Variants in NANS observed in about 807,000 individuals in gnomAD.
NANS encodes the protein N-acetylneuraminate synthase, also known as N-acetylneuraminate-9-phosphate synthase.
A neutral mutation model predicts 33.3 loss-of-function variants in NANS; 29 were observed. The observed-to-expected ratio is 0.87, with a 90% confidence interval of 0.65 to 1.19. The LOEUF (loss-of-function observed/expected upper bound fraction) is 1.19, where lower values mean the gene tolerates loss of function less well. Ranked by LOEUF, NANS falls within the 50% of genes most tolerant of loss-of-function variation. NANS has a pLI of 0.00. For missense variants in NANS, 394 were observed against 461.1 expected, an observed-to-expected ratio of 0.85 and a Z score of 1.33; for synonymous variants, 163 against 177.2, an observed-to-expected ratio of 0.92 and a Z score of 0.64.
intron 4 of NANS, among the ~76,000 whole-genome samples, chr9:98,080,493 G>A (rs1387887387): frequency 1.3e-5 from 2 of 152,220 alleles, no homozygotes; most frequent in Non-Finnish European, 2.9e-5. Flanking sequence ...TTTTGAATGA[G>A]GTTAGACATT....
At chr9:98,070,802 T>C (rs917306472) in intron 2 of NANS, among the ~76,000 whole-genome samples, 3 of 142,690 alleles carry the variant, frequency 2.1e-5, no homozygotes, top group Admixed American at 6.8e-5. Flanking sequence ...GCAGACTCTT[T>C]AGTAATTTTT....
Position 98,056,822 on chromosome 9 carries a change from T to G in NANS, c.14T>G (p.Leu5Arg). The G allele has an allele frequency of 6.2e-7, 1 of 1,608,638 alleles. No homozygotes were observed. Among genetic ancestry groups the G allele is most frequent in the South Asian group, 1.1e-5 (1 of 90,902 alleles). ...CGAGCCGCTGCAATGCCGCTGGAGC[T>G]GGAGCTGTGTCCCGGGCGCTGGGTG... MPLE[L>R]ELCPGRWVGG... The change falls in exon 1 of 6, where the codon CTG becomes CGG. Residue 5 changes from leucine to arginine, a missense_variant. Coordinates refer to ENST00000210444, the MANE Select transcript of NANS (RefSeq NM_018946.4).
intron 2 of NANS, among the ~76,000 whole-genome samples, chr9:98,066,839 C>T (rs976420477): frequency 6.6e-6 from 1 of 152,056 alleles, no homozygotes; most frequent in South Asian, 2.1e-4. Context: ...TTAGTGGAGA[C>T]AGGGTTTCAC....
chr9:98,070,414 A>G (rs370267603), intron 2 of NANS, among the ~76,000 whole-genome samples: 299 of 150,536 alleles, frequency 2.0e-3, no homozygotes, highest in African/African-American at 7.0e-3. Context: ...CACCGTGCCC[A>G]GCTTTCATTT....
rs1054502962 is a variant in NANS at position 98,056,765 on chromosome 9, C to G, written c.-44C>G. 19 of 1,594,918 alleles carry G rather than the reference C, an allele frequency of 1.2e-5. No individual in the cohort carries two copies. In the African/African-American group the frequency reaches 2.6e-4, roughly 22 times the overall value. On this transcript the variant is annotated 5_prime_UTR_variant, in exon 1 of 6. Coordinates refer to ENST00000210444, the MANE Select transcript of NANS (RefSeq NM_018946.4). ...GAGTAGAGGCGGCGGCGGCGGCGGCCGGACCCAGACTGGTAGTGAGGCTTT... is the reference window on the plus strand; with the variant it reads ...GAGTAGAGGCGGCGGCGGCGGCGGCGGGACCCAGACTGGTAGTGAGGCTTT...
intron 2 of NANS, chr9:98,069,834 G>GT (rs1448339973): frequency 6.6e-6 from 1 of 152,192 alleles, no homozygotes; most frequent in Non-Finnish European, 1.5e-5. Flanking sequence ...GACCGTGGCA[G>GT]TGCTCACATG....
intron 4 of NANS, among the ~76,000 whole-genome samples, chr9:98,080,357 G>A (rs552778925): frequency 1.3e-5 from 2 of 152,280 alleles, no homozygotes; most frequent in Admixed American, 1.3e-4. Flanking sequence ...ATAGATAACG[G>A]ATTAATTATT....
intron 2 of NANS, chr9:98,061,274 C>T (rs923342240): frequency 5.3e-6 from 2 of 376,566 alleles, no homozygotes; most frequent in Admixed American, 3.8e-5. Context: ...GTCAGGAGTT[C>T]GAGACCAGCC....
At chr9:98,061,185 C>T (rs1416076855) in intron 2 of NANS, 188 bp downstream of exon 2, 9 of 609,196 alleles carry the variant, frequency 1.5e-5, no homozygotes. Context: ...TTTAAAAACA[C>T]ATTGTCTCTG....
chr9:98,062,763 C>T (rs1401993427), intron 2 of NANS, among the ~76,000 whole-genome samples: 14 of 145,068 alleles, frequency 9.7e-5, no homozygotes, highest in East Asian at 2.0e-4. Flanking sequence ...CTTTTGGATA[C>T]GGAAGTTATT....
intron 1 of NANS, among the ~76,000 whole-genome samples, chr9:98,060,411 G>A (rs1458366753): frequency 6.6e-6 from 1 of 152,154 alleles, no homozygotes; most frequent in Non-Finnish European, 1.5e-5. Context: ...ACTCATGCCT[G>A]TAATCCCAGC....
chr9:98,064,768 C>T (rs1829086471), intron 2 of NANS, among the ~76,000 whole-genome samples: 1 of 152,166 alleles, frequency 6.6e-6, no homozygotes, highest in Non-Finnish European at 1.5e-5. Flanking sequence ...CCCTCAGCTG[C>T]TGCTGCCTGG....
intron 1 of NANS, among the ~76,000 whole-genome samples, chr9:98,060,557 C>A (rs1412405361): frequency 2.0e-5 from 3 of 152,070 alleles, no homozygotes; most frequent in African/African-American, 7.2e-5. Context: ...GTAATCCCAG[C>A]TACTTGGGAG....
In NANS at chr9:98,077,046, G is replaced by T. The variant is rs371377734; in HGVS notation, c.448+29G>T. ...AGTGTCTAATTTTTGACTTAAAATCGAAGGGAGTCCAAACCTTCATATTTT... is the reference window on the plus strand; with the variant it reads ...AGTGTCTAATTTTTGACTTAAAATCTAAGGGAGTCCAAACCTTCATATTTT... On this transcript the variant is annotated intron_variant, in intron 3 of 5. Transcript: ENST00000210444. The T allele has an allele frequency of 5.2e-6, 8 of 1,536,228 alleles. No homozygotes were observed. The Admixed American group carries it at 5.3e-5, about 10-fold the overall frequency.
chr9:98,062,289 G>T (rs1040574867), intron 2 of NANS, among the ~76,000 whole-genome samples: 2 of 151,980 alleles, frequency 1.3e-5, no homozygotes, highest in South Asian at 2.1e-4. Flanking sequence ...TGACTTGAGT[G>T]GGGGGACACT....
intron 2 of NANS, among the ~76,000 whole-genome samples, chr9:98,066,653 A>T (rs1587909749): frequency 7.0e-6 from 1 of 143,488 alleles, no homozygotes; most frequent in African/African-American, 2.6e-5. Context: ...CCACTTACCG[A>T]TTTTTTTTTT....
At chr9:98,058,481 T>A (rs1279055158) in intron 1 of NANS, among the ~76,000 whole-genome samples, 1 of 152,194 alleles carries the variant, frequency 6.6e-6, no homozygotes, top group Non-Finnish European at 1.5e-5. Flanking sequence ...GTTTTTTCAG[T>A]TTTTGCTCCT....
intron 2 of NANS, among the ~76,000 whole-genome samples, chr9:98,067,549 T>A (rs567920052): frequency 1.3e-5 from 2 of 152,248 alleles, no homozygotes; most frequent in South Asian, 2.1e-4. Flanking sequence ...TCTATTCAGA[T>A]CCTTTGTCAG....
chr9:98,081,118 G>T (rs748861337), intron 5 of NANS, 36 bp downstream of exon 5: 69 of 1,608,960 alleles, frequency 4.3e-5, no homozygotes, highest in Non-Finnish European at 5.9e-5. Context: ...TTCTGCTGCC[G>T]TGTGTGGAAA....
Sources: gnomAD v4.1 joint callset for allele counts (sites outside exome capture counted in the v4.1 genomes callset) on GRCh38, gnomAD v4.1.1 for gene constraint, MANE v1.5 for transcripts, NCBI Gene and HGNC (gene_info 2026-07-23, HGNC 2026-07-21) for gene names.